SOX5: variants seen among roughly 807,000 people sequenced by gnomAD.
The protein encoded by SOX5 is transcription factor SOX-5.
In SOX5, 9 loss-of-function variants were observed where a neutral mutation model predicts 92.0. The ratio of observed to expected loss-of-function variants is 0.10; its 90% CI spans 0.06 to 0.17. The LOEUF is 0.17. SOX5 is among the 10% of genes least tolerant of loss of function. SOX5 has a pLI of 1.00. For synonymous variants in SOX5, 344 were observed against 336.3 expected, an observed-to-expected ratio of 1.02 and a Z score of -0.25; for missense variants, 642 against 944.5, an observed-to-expected ratio of 0.68 and a Z score of 4.20.
intron 1 of SOX5, among the ~76,000 whole-genome samples, chr12:24,384,328 G>C (rs1327379768): frequency 6.6e-6 from 1 of 152,166 alleles, no homozygotes; most frequent in East Asian, 1.9e-4. Flanking sequence ...TGGTAATGCT[G>C]GCTCACCTGC....
At chr12:24,255,383 C>T (rs1248274485) in intron 3 of SOX5, among the ~76,000 whole-genome samples, 1 of 152,146 alleles carries the variant, frequency 6.6e-6, no homozygotes, top group African/African-American at 2.4e-5. Flanking sequence ...AGAATGTAGG[C>T]TGAAATTCAC....
Position 23,565,280 on chromosome 12 carries a change from C to T in SOX5, c.1343-1877G>A, listed in dbSNP as rs529815855. Among the ~76,000 whole-genome samples the T allele has an allele frequency of 1.6e-4, 24 of 152,242 alleles. 1 individual carries two copies. In the South Asian group the frequency reaches 4.1e-3, roughly 26 times the overall value. The stretch of plus-strand genomic sequence containing the variant: ...TCATTCTTAATGTATAATTCTTGAA[C>T]TTGTTCATGAACAATATTACTCTAG... On this transcript the variant is annotated intron_variant, in intron 10 of 14. Coordinates refer to ENST00000451604, the MANE Select transcript of SOX5 (RefSeq NM_006940.6).
intron 1 of SOX5, among the ~76,000 whole-genome samples, chr12:24,523,435 A>G (rs1185075552): frequency 1.3e-5 from 2 of 152,232 alleles, no homozygotes. Flanking sequence ...GGCCAAATCA[A>G]TTGTGAGAAA....
intron 3 of SOX5, among the ~76,000 whole-genome samples, chr12:23,844,989 C>T (rs1006537929): frequency 6.6e-6 from 1 of 152,112 alleles, no homozygotes; most frequent in Non-Finnish European, 1.5e-5. Flanking sequence ...AACCAAAATC[C>T]AGGTCCCAGT....
intron 4 of SOX5, among the ~76,000 whole-genome samples, chr12:24,156,356 T>A (rs1258255096): frequency 6.6e-6 from 1 of 152,172 alleles, no homozygotes; most frequent in Non-Finnish European, 1.5e-5. Flanking sequence ...TACTGGTTTC[T>A]CCTGGGAGCA....
At chr12:23,916,159 G>T (rs985508925) in intron 1 of SOX5, among the ~76,000 whole-genome samples, 7 of 152,142 alleles carry the variant, frequency 4.6e-5, no homozygotes, top group African/African-American at 1.7e-4. Context: ...TGAAATAGTT[G>T]ATTCACCCTC....
At chr12:24,425,275 T>C (rs74068329) in intron 1 of SOX5, among the ~76,000 whole-genome samples, 1 of 152,206 alleles carries the variant, frequency 6.6e-6, no homozygotes, top group Non-Finnish European at 1.5e-5. Context: ...GGTATAACAA[T>C]TAATCTGTAG....
intron 4 of SOX5, among the ~76,000 whole-genome samples, chr12:24,104,396 G>A (rs1418408238): frequency 6.6e-6 from 1 of 151,974 alleles, no homozygotes; most frequent in African/African-American, 2.4e-5. Flanking sequence ...ATAATCTAGA[G>A]GTAACTTCTG....
chr12:23,927,359 C>T (rs1253729959), intron 1 of SOX5, among the ~76,000 whole-genome samples: 2 of 152,040 alleles, frequency 1.3e-5, no homozygotes, highest in Non-Finnish European at 2.9e-5. Context: ...CATTCTTCAT[C>T]ACTATCTCTA....
At chr12:23,757,172 A>G (rs1220483259) in intron 3 of SOX5, among the ~76,000 whole-genome samples, 1 of 151,910 alleles carries the variant, frequency 6.6e-6, no homozygotes, top group Non-Finnish European at 1.5e-5. Context: ...CCCTTACAAC[A>G]ACTTCATAAA....
At chr12:23,794,495 T>TA (rs1242772810) in intron 3 of SOX5, among the ~76,000 whole-genome samples, 73 of 152,248 alleles carry the variant, frequency 4.8e-4, no homozygotes, top group Admixed American at 4.8e-3. Flanking sequence ...ATGATAGTAC[T>TA]ATTCTTTATT....
intron 3 of SOX5, among the ~76,000 whole-genome samples, chr12:23,769,756 G>C (rs552152287): frequency 6.6e-6 from 1 of 152,158 alleles, no homozygotes; most frequent in African/African-American, 2.4e-5. Flanking sequence ...AGGAAGTAAA[G>C]GTCTCTGAAG....
chr12:24,327,502 A>G (rs1950845622), intron 2 of SOX5, among the ~76,000 whole-genome samples: 1 of 139,558 alleles, frequency 7.2e-6, no homozygotes, highest in Non-Finnish European at 1.5e-5. Flanking sequence ...TGCAACCTCT[A>G]CCTCCCAGGT....
At chr12:24,117,315 G>T (rs925537216) in intron 4 of SOX5, among the ~76,000 whole-genome samples, 1 of 152,166 alleles carries the variant, frequency 6.6e-6, no homozygotes, top group Non-Finnish European at 1.5e-5. Flanking sequence ...AATGGTAAGT[G>T]TTGGTGAGGA....
At chr12:24,448,013 T>C (rs1342524394) in intron 1 of SOX5, among the ~76,000 whole-genome samples, 1 of 152,076 alleles carries the variant, frequency 6.6e-6, no homozygotes, top group Non-Finnish European at 1.5e-5. Context: ...AAACCCTATC[T>C]CTACTAAAAA....
chr12:23,591,454 A>G (rs1324035385), intron 9 of SOX5, among the ~76,000 whole-genome samples: 1 of 152,128 alleles, frequency 6.6e-6, no homozygotes, highest in Non-Finnish European at 1.5e-5. Flanking sequence ...TTGTAACTCC[A>G]TAAATTATAG....
At chr12:23,795,105 A>G (rs1412264147) in intron 3 of SOX5, among the ~76,000 whole-genome samples, 1 of 152,124 alleles carries the variant, frequency 6.6e-6, no homozygotes, top group East Asian at 1.9e-4. Context: ...CTTAAAAGGG[A>G]TAGGTTACAT....
chr12:23,569,346 T>C (rs1048098062), intron 10 of SOX5, among the ~76,000 whole-genome samples: 1 of 152,138 alleles, frequency 6.6e-6, no homozygotes, highest in African/African-American at 2.4e-5. Context: ...AAAAAATAAT[T>C]CCATGTATAA....
chr12:23,604,747 G>T (rs1338532441), intron 8 of SOX5, among the ~76,000 whole-genome samples: 1 of 152,102 alleles, frequency 6.6e-6, no homozygotes, highest in Non-Finnish European at 1.5e-5. Context: ...CTCACCTTCA[G>T]TATGTCCAAG....
Sources: gnomAD v4.1 joint callset for allele counts (sites outside exome capture counted in the v4.1 genomes callset) on GRCh38, gnomAD v4.1.1 for gene constraint, MANE v1.5 for transcripts, NCBI Gene and HGNC (gene_info 2026-07-23, HGNC 2026-07-21) for gene names.